Variants in SLC22A14 observed in about 807,000 individuals in gnomAD.
SLC22A14 encodes the protein organic cation transporter-like 4.
In SLC22A14, 50 loss-of-function variants were observed where a neutral mutation model predicts 53.9. The observed-to-expected ratio is 0.93, with a 90% CI of 0.74 to 1.17. The LOEUF is 1.17. Ranked by LOEUF, SLC22A14 falls within the 50% of genes most tolerant of loss-of-function variation. The probability of loss-of-function intolerance (pLI) is 0.00; values close to 1 mark genes in which losing one functional copy is unlikely to be tolerated. For missense variants in SLC22A14, 671 were observed against 734.7 expected (o/e 0.91, Z 1.00); for synonymous variants, 312 against 303.0 (o/e 1.03, Z -0.31).
rs759615080 is a variant in SLC22A14 at position 38,318,238 on chromosome 3, G to A, written c.1774G>A (p.Asp592Asn). The change falls in exon 11 of 11, where the codon GAT becomes AAT. Residue 592 changes from aspartate (D) to asparagine (N), a missense_variant. By Grantham distance (23) the Asp-to-Asn change is conservative. Coordinates refer to ENST00000448498, the MANE Select transcript of SLC22A14 (RefSeq NM_001320033.2). Reference protein sequence around the residue: ...KDMKTKETSSDDV With the variant: ...KDMKTKETSSNDV ...CATGAAGACTAAGGAAACATCATCT[G>A]ATGATGTCTGAGGAAGCGGCCAAGA... 6.2e-7 allele frequency: 1 copy of A among 1,614,038 alleles called. No individual in the cohort carries two copies. Among genetic ancestry groups the A allele is most frequent in the Non-Finnish European group, 8.5e-7 (1 of 1,179,866 alleles).
upstream of SLC22A14, among the ~76,000 whole-genome samples, chr3:38,281,712 G>A (rs974698155): frequency 6.6e-6 from 1 of 152,178 alleles, no homozygotes; most frequent in Non-Finnish European, 1.5e-5. Flanking sequence ...TTTTGGAGAG[G>A]ACAAATATTA....
chr3:38,307,631 C>T lies in SLC22A14; in HGVS notation c.686C>T (p.Ala229Val), dbSNP rs1704344867. Residue 229 changes from alanine to valine, a missense_variant, in exon 4 of 11, where the codon GCC becomes GTC. Coordinates refer to ENST00000448498, the MANE Select transcript of SLC22A14 (RefSeq NM_001320033.2). The surrounding 1 kb of genome is among the most constrained non-coding windows in gnomAD (Gnocchi z 4.4). ...CTGATCATCTTCGGCTTTGGGACAG[C>T]CTTCATGAACAGCTTTCACCTGTAT... ...LGLIIFGFGT[A>V]FMNSFHLYLF... is the part of the protein sequence containing the mutation. The T allele has an allele frequency of 3.1e-6, 5 of 1,614,210 alleles. No individual in the cohort carries two copies. Among genetic ancestry groups the T allele is most frequent in the Non-Finnish European group, 4.2e-6 (5 of 1,180,014 alleles).
intron 1 of SLC22A14, among the ~76,000 whole-genome samples, chr3:38,302,587 G>A (rs934710372): frequency 2.0e-5 from 3 of 152,030 alleles, no homozygotes; most frequent in Non-Finnish European, 4.4e-5. Flanking sequence ...AGCCTGGGAG[G>A]TCAAGGCTGC....
At chr3:38,281,452 T>A (rs2125866287), upstream of SLC22A14, among the ~76,000 whole-genome samples, 1 of 152,158 alleles carries the variant, frequency 6.6e-6, no homozygotes, top group East Asian at 1.9e-4. Context: ...GGAATACATC[T>A]GGTAAGGGCC....
intron 1 of SLC22A14, among the ~76,000 whole-genome samples, chr3:38,295,094 C>A (rs763938961): frequency 6.6e-6 from 1 of 152,168 alleles, no homozygotes; most frequent in African/African-American, 2.4e-5. Flanking sequence ...ACTGAATACC[C>A]ATTGTGGTTT....
intron 1 of SLC22A14, among the ~76,000 whole-genome samples, chr3:38,286,792 C>T (rs574183477): frequency 6.6e-6 from 1 of 151,864 alleles, no homozygotes; most frequent in African/African-American, 2.4e-5. Flanking sequence ...AGTGCAGTGG[C>T]CAGATCTCAG....
intron 1 of SLC22A14, among the ~76,000 whole-genome samples, chr3:38,300,782 T>C (rs1177933547): frequency 1.3e-5 from 2 of 152,204 alleles, no homozygotes; most frequent in Admixed American, 6.5e-5. Flanking sequence ...ATGTTCAGCA[T>C]AAGGCATAAG....
chr3:38,309,266 C>T (rs985910073), intron 5 of SLC22A14, 144 bp downstream of exon 5: 138 of 710,596 alleles, frequency 1.9e-4, no homozygotes, highest in Middle Eastern at 1.0e-3. Context: ...TAGGAAGGCA[C>T]CAAGGGCAGA....
At chr3:38,289,455 A>G (rs1703862730) in intron 1 of SLC22A14, among the ~76,000 whole-genome samples, 1 of 152,040 alleles carries the variant, frequency 6.6e-6, no homozygotes. Flanking sequence ...AGCTCCCAAG[A>G]TGGTGGCGGG....
chr3:38,286,813 C>T (rs543193050), intron 1 of SLC22A14, among the ~76,000 whole-genome samples: 8 of 151,606 alleles, frequency 5.3e-5, no homozygotes, highest in Non-Finnish European at 1.2e-4. Flanking sequence ...CTCACTGCAG[C>T]CTCTGCCTCC....
At chr3:38,318,027 G>A (rs1419652637) in intron 10 of SLC22A14, among the ~76,000 whole-genome samples, 171 bp from the exon 11 acceptor site, 1 of 152,220 alleles carries the variant, frequency 6.6e-6, no homozygotes, top group Non-Finnish European at 1.5e-5. Context: ...GGGAGATGGA[G>A]CAGGCCTGAT....
At position 38,306,140 on chromosome 3, in the gene SLC22A14, A is replaced by G. The variant is rs1032928291; in HGVS notation, c.114A>G (p.Leu38=). 1 of 1,614,020 alleles carries G rather than the reference A, an allele frequency of 6.2e-7. No individual in the cohort carries two copies. Among genetic ancestry groups the G allele is most frequent in the Non-Finnish European group, 8.5e-7 (1 of 1,180,020 alleles). ...ATTCCTGGTCTCTGGAGATGCTGTT[A>G]CGCAGATTGAGGGCTGTCCACACCA... The part of the protein sequence containing the change: ...HPHSWSLEML[L]RRLRAVHTKQ... The change falls in exon 2 of 11, where the codon TTA becomes TTG. Residue 38 remains leucine (L), a synonymous_variant. Coordinates refer to ENST00000448498, the MANE Select transcript of SLC22A14 (RefSeq NM_001320033.2).
intron 2 of SLC22A14, 60 bp downstream of exon 2, chr3:38,306,602 C>T: frequency 1.3e-6 from 2 of 1,487,550 alleles, no homozygotes; most frequent in African/African-American, 1.4e-5. Flanking sequence ...TGCCTCCCAC[C>T]CTCACTGAAT....
chr3:38,288,633 C>G (rs1489105274), intron 1 of SLC22A14, among the ~76,000 whole-genome samples: 1 of 152,000 alleles, frequency 6.6e-6, no homozygotes, highest in Non-Finnish European at 1.5e-5. Context: ...TAATGGGTGT[C>G]TTGTACATAT....
At chr3:38,315,461 G>A (rs922951687) in intron 8 of SLC22A14, 97 bp from the exon 9 acceptor site, 99 of 1,306,228 alleles carry the variant, frequency 7.6e-5, no homozygotes, top group Non-Finnish European at 3.4e-5. Flanking sequence ...GCCTGAGCCT[G>A]CTGGCCAGCT....
intron 1 of SLC22A14, among the ~76,000 whole-genome samples, chr3:38,301,016 G>A (rs1205161965): frequency 2.0e-5 from 3 of 151,948 alleles, no homozygotes; most frequent in Admixed American, 1.3e-4. Flanking sequence ...GTTGGGTCTC[G>A]CTATATTACC....
chr3:38,306,152 G>A lies in SLC22A14; in HGVS notation c.126G>A (p.Arg42=). 1 of 1,614,162 alleles carries A rather than the reference G, an allele frequency of 6.2e-7. No individual in the cohort carries two copies. The highest frequency in any genetic ancestry group is 8.5e-7 in the Non-Finnish European group (1 of 1,180,016). Residue 42 remains arginine, a synonymous_variant, in exon 2 of 11, where the codon AGG becomes AGA. Transcript: ENST00000448498. ...WSLEMLLRRL[R]AVHTKQDDKF... Reference sequence around the variant, plus strand: ...TGGAGATGCTGTTACGCAGATTGAGGGCTGTCCACACCAAGCAGGATGACA... The same window carrying A: ...TGGAGATGCTGTTACGCAGATTGAGAGCTGTCCACACCAAGCAGGATGACA...
chr3:38,307,400 C>A lies in SLC22A14; in HGVS notation c.620+43C>A. ...TCTGCTGGTCCCCGAGCCATCCCAA[C>A]TCCTCCTCATGGGCATTCAGGGTTG... On this transcript the variant is annotated intron_variant, in intron 3 of 10. Coordinates refer to ENST00000448498, the MANE Select transcript of SLC22A14 (RefSeq NM_001320033.2). The surrounding 1 kb of genome is among the most constrained non-coding windows in gnomAD (Gnocchi z 4.4). The A allele has an allele frequency of 1.3e-6, 2 of 1,550,494 alleles. No individual in the cohort carries two copies. The highest frequency in any genetic ancestry group is 1.8e-6 in the Non-Finnish European group (2 of 1,122,108).
rs200811642 is a variant in SLC22A14 at position 38,316,442 on chromosome 3, G to A, written c.1651G>A (p.Val551Met). The A allele has an allele frequency of 1.5e-5, 24 of 1,614,052 alleles. No individual in the cohort carries two copies. The highest frequency in any genetic ancestry group is 1.3e-4 in the Admixed American group (8 of 60,022). Residue 551 changes from valine to methionine, a missense_variant, in exon 10 of 11, where the codon GTG becomes ATG. Physicochemically the swap from Val to Met is conservative, Grantham distance 21. Coordinates refer to ENST00000448498, the MANE Select transcript of SLC22A14 (RefSeq NM_001320033.2). ...CTTTCTCTGCTGCGTCTTAGCCATC[G>A]TGGCCTTTTCCCTCTCCTCCCTGCT... ...PIFLCCVLAIVAFSLSSLLPE... is the reference protein window; with the variant it reads ...PIFLCCVLAIMAFSLSSLLPE...
Sources: gnomAD v4.1 joint callset for allele counts (sites outside exome capture counted in the v4.1 genomes callset) on GRCh38, gnomAD v4.1.1 for gene constraint, Gnocchi (gnomAD v3.1) non-coding constraint, MANE v1.5 for transcripts, NCBI Gene and HGNC (gene_info 2026-07-23, HGNC 2026-07-21) for gene names.